Variants in CPLANE1 observed in about 807,000 individuals in gnomAD.
CPLANE1 encodes the protein ciliogenesis and planar polarity effector complex subunit 1.
In CPLANE1, 263 loss-of-function variants were observed where a neutral mutation model predicts 362.5. The observed-to-expected ratio is 0.73, with a 90% CI of 0.66 to 0.80. The LOEUF (loss-of-function observed/expected upper bound fraction) is 0.80. Ranked by LOEUF, CPLANE1 falls within the 30% of genes least tolerant of loss-of-function variation. The probability of loss-of-function intolerance (pLI) is 0.00; values close to 1 mark genes in which losing one functional copy is unlikely to be tolerated. For synonymous variants in CPLANE1, 1,212 were observed against 1,302.6 expected (o/e 0.93, Z 1.50); for missense variants, 3,461 against 3,793.4 (o/e 0.91, Z 2.30).
In CPLANE1 at chr5:37,205,440, C is replaced by A. The variant is rs1189416710; in HGVS notation, c.3164G>T (p.Ser1055Ile). 23 of 1,533,092 alleles carry A rather than the reference C, an allele frequency of 1.5e-5. No individual in the cohort carries two copies. The Admixed American group carries it at 4.7e-4, about 31-fold the overall frequency. 95.0% of individuals were successfully genotyped at this position (1,533,092 alleles called of 1,614,324 possible). The change falls in exon 18 of 53, where the codon AGT (serine) becomes ATT (isoleucine). Residue 1055 changes from serine to isoleucine, a missense_variant. Physicochemically the swap from Ser to Ile is moderately radical, Grantham distance 142. Around this residue, in one of 2 missense-constraint regions of CPLANE1, gnomAD observed 3,380 missense variants for 3,666.1 expected, o/e 0.92. Coordinates refer to ENST00000651892, the MANE Select transcript of CPLANE1 (RefSeq NM_001384732.1). ...DSNFMRSKKKSLNLPLRMTPA... is the reference protein window; with the variant it reads ...DSNFMRSKKKILNLPLRMTPA... ...AGTCATACGGAGTGGTAGATTCAGA[C>A]TCTTTTTCTTGGACCTGAAATGACA... is the stretch of plus-strand genomic sequence containing the variant.
chr5:37,193,769 T>C (rs922131106), intron 21 of CPLANE1, among the ~76,000 whole-genome samples: 4 of 152,084 alleles, frequency 2.6e-5, no homozygotes, highest in Non-Finnish European at 4.4e-5. Context: ...AACAGGGTCT[T>C]GTTCTGCCGC....
At position 37,107,334 on chromosome 5, in the gene CPLANE1, T is replaced by C. The variant is rs186493876; in HGVS notation, c.*268A>G. On this transcript the variant is annotated 3_prime_UTR_variant, in exon 53 of 53. Transcript: ENST00000651892. The stretch of plus-strand genomic sequence containing the variant: ...GGTTATGCAAACTTGGCTTGAAAGG[T>C]ACTTATCATTTTAAAAATTATGCCT... 5.7e-5 allele frequency: 67 copies of C among 1,172,226 alleles called. 1 individual carries two copies. In the Admixed American group the frequency reaches 2.6e-3, roughly 45 times the overall value. 72.6% of individuals were successfully genotyped at this position (1,172,226 alleles called of 1,614,324 possible). A position where few individuals can be genotyped will look rare whatever the true frequency, so the allele number is the denominator to read the frequency against.
At chr5:37,095,086 G>A in the CPLANE1 span, among the ~76,000 whole-genome samples, 1 of 152,120 alleles carries the variant, frequency 6.6e-6, no homozygotes, top group Non-Finnish European at 1.5e-5. Context: ...TTTCTATGAA[G>A]CCAGTTATCA....
chr5:37,190,344 G>T (rs1316696277), intron 21 of CPLANE1, among the ~76,000 whole-genome samples: 1 of 151,604 alleles, frequency 6.6e-6, no homozygotes, highest in African/African-American at 2.4e-5. Context: ...GTCAAGGTAG[G>T]ACTGCTTGAG....
At position 37,221,369 on chromosome 5, in the gene CPLANE1, G is replaced by T; in HGVS notation, c.2701C>A (p.Leu901Met). ...GLCDQLAREI[L>M]RWSQLPVKEN... The stretch of plus-strand genomic sequence containing the variant: ...TTTACAGGTAGTTGGGACCATCTCA[G>T]GATTTCTCTTGCTAGCTGATCACAC... Residue 901 changes from leucine to methionine, a missense_variant, in exon 15 of 53, where the codon CTG (leucine) becomes ATG (methionine). Leu to Met is a conservative substitution (Grantham distance 15). Transcript: ENST00000651892. 2 of 1,529,126 alleles carry T rather than the reference G, an allele frequency of 1.3e-6. No homozygotes were observed. Among genetic ancestry groups the T allele is most frequent in the Non-Finnish European group, 1.8e-6 (2 of 1,138,040 alleles). 94.7% of individuals were successfully genotyped at this position (1,529,126 alleles called of 1,614,324 possible).
rs377114029 is a variant in CPLANE1, at chr5:37,183,684, G to C, written c.4497C>G (p.His1499Gln). 117 of 1,576,908 alleles carry C rather than the reference G, an allele frequency of 7.4e-5. No homozygotes were observed. The highest frequency in any genetic ancestry group is 9.7e-5 in the Non-Finnish European group (113 of 1,166,300). Residue 1499 changes from histidine (H) to glutamine (Q), a missense_variant, in exon 26 of 53, where the codon CAC becomes CAG. By Grantham distance (24) the His-to-Gln change is conservative. Coordinates refer to ENST00000651892, the MANE Select transcript of CPLANE1 (RefSeq NM_001384732.1). ...GCTTATGAATTGATGTTAATTCCAT[G>C]TGATTTGGGGCATTTCTATAGCAAA... The part of the protein sequence containing the change: ...INIYQRNAPN[H>Q]MELTSIHKPT...
At chr5:37,159,272 C>A (rs573405287) in intron 38 of CPLANE1, among the ~76,000 whole-genome samples, 1 of 147,754 alleles carries the variant, frequency 6.8e-6, no homozygotes, top group Admixed American at 6.8e-5. Flanking sequence ...CCACCGCGCC[C>A]GGCTAATTTT....
In CPLANE1 at chr5:37,168,934, G is replaced by A. The variant is rs1273091732; in HGVS notation, c.7090C>T (p.Leu2364=). 1 of 1,614,176 alleles carries A rather than the reference G, an allele frequency of 6.2e-7. No individual in the cohort carries two copies. The highest frequency in any genetic ancestry group is 8.5e-7 in the Non-Finnish European group (1 of 1,180,030). The stretch of plus-strand genomic sequence containing the variant: ...AACATATTAGGAGGTTTAAGTGGCA[G>A]GTATAGTAACGGAAGTCCAAAGGAA... ...HHSFGLPLLY[L]PLKPPNMFPS... Residue 2364 remains leucine (L), a synonymous_variant, in exon 34 of 53, where the codon CTG becomes TTG. Coordinates refer to ENST00000651892, the MANE Select transcript of CPLANE1 (RefSeq NM_001384732.1).
chr5:37,188,588 C>T (rs1281461424), intron 21 of CPLANE1, among the ~76,000 whole-genome samples: 1 of 152,132 alleles, frequency 6.6e-6, no homozygotes, highest in African/African-American at 2.4e-5. Flanking sequence ...ACTAGTACAA[C>T]CACTATGGAA....
chr5:37,102,843 C>A (rs1347072217), downstream of CPLANE1, among the ~76,000 whole-genome samples: 2 of 151,824 alleles, frequency 1.3e-5, no homozygotes, highest in African/African-American at 4.8e-5. Flanking sequence ...TTTAGAGTGC[C>A]ATGTGATGAG....
At chr5:37,114,827 G>C (rs1760439413) in intron 51 of CPLANE1, 133 bp downstream of exon 51, 3 of 580,382 alleles carry the variant, frequency 5.2e-6, no homozygotes, top group Non-Finnish European at 9.1e-6. Context: ...TTGAACCCGG[G>C]AGTGGAGGTT....
chr5:37,215,303 C>A (rs903488402), intron 15 of CPLANE1, among the ~76,000 whole-genome samples: 1 of 152,140 alleles, frequency 6.6e-6, no homozygotes, highest in Non-Finnish European at 1.5e-5. Flanking sequence ...CCCGCCTCGG[C>A]CTCCCAAAGT....
chr5:37,174,018 A>G, intron 31 of CPLANE1, 71 bp from the exon 32 acceptor site: 1 of 1,285,260 alleles, frequency 7.8e-7, no homozygotes, highest in Non-Finnish European at 1.1e-6. Flanking sequence ...GTCTATGATC[A>G]GAATATTTTG....
Position 37,106,856 on chromosome 5 carries a change from A to C in CPLANE1, c.*746T>G. On this transcript the variant is annotated 3_prime_UTR_variant, in exon 53 of 53. Coordinates refer to ENST00000651892, the MANE Select transcript of CPLANE1 (RefSeq NM_001384732.1). ...TACTGGTTCTTAGTCAATTCTCATA[A>C]AAATTATCTCTTAAAACTATGACAT... is the stretch of plus-strand genomic sequence containing the variant. 1.0e-6 allele frequency: 1 copy of C among 984,548 alleles called. No homozygotes were observed. The highest frequency in any genetic ancestry group is 1.2e-6 in the Non-Finnish European group (1 of 829,120). 61.0% of individuals were successfully genotyped at this position (984,548 alleles called of 1,614,324 possible). A position where few individuals can be genotyped will look rare whatever the true frequency, so the allele number is the denominator to read the frequency against.
chr5:37,080,746 G>A, the CPLANE1 span, among the ~76,000 whole-genome samples: 110 of 152,298 alleles, frequency 7.2e-4, 4 homozygotes, highest in South Asian at 0.022. Context: ...TGATACTCCA[G>A]ACATCCAGCT....
chr5:37,159,094 C>CTTTTT (rs34035923), intron 38 of CPLANE1, among the ~76,000 whole-genome samples: 2 of 59,760 alleles, frequency 3.3e-5, no homozygotes, highest in African/African-American at 1.8e-4. Flanking sequence ...AATTCACATT[C>CTTTTT]TTTTTTTTTT....
In CPLANE1 at chr5:37,169,149, T is replaced by C; in HGVS notation, c.6875A>G (p.Glu2292Gly). 6.2e-7 allele frequency: 1 copy of C among 1,614,170 alleles called. No homozygotes were observed. Among genetic ancestry groups the C allele is most frequent in the South Asian group, 1.1e-5 (1 of 91,074 alleles). Residue 2292 changes from glutamate (E) to glycine (G), a missense_variant, in exon 34 of 53, where the codon GAA becomes GGA. Transcript: ENST00000651892. ...SHLNVSQYNTEARKKEVEQKT... is the reference protein window; with the variant it reads ...SHLNVSQYNTGARKKEVEQKT... ...CTGCTCAACTTCTTTTTTTCTGGCT[T>C]CAGTGTTATACTGGCTTACATTCAA...
chr5:37,181,526 A>G (rs574121872), intron 26 of CPLANE1, among the ~76,000 whole-genome samples: 14 of 146,010 alleles, frequency 9.6e-5, no homozygotes, highest in Non-Finnish European at 2.1e-4. Flanking sequence ...ATCTCAAGGG[A>G]AAAAAAGGAC....
intron 51 of CPLANE1, 71 bp from the exon 52 acceptor site, chr5:37,108,542 G>A: frequency 1.4e-6 from 2 of 1,397,290 alleles, no homozygotes; most frequent in South Asian, 2.7e-5. Context: ...TGTTAATTGT[G>A]ACTTTTATCA....
Sources: allele counts gnomAD v4.1 joint callset (sites outside exome capture counted in the v4.1 genomes callset), GRCh38; gene constraint gnomAD v4.1.1; regional missense constraint gnomAD v4.1.1; transcripts MANE v1.5; gene names NCBI Gene and HGNC (gene_info 2026-07-23, HGNC 2026-07-21).